PDGFD: variants seen among roughly 807,000 people sequenced by gnomAD.
PDGFD encodes the protein platelet-derived growth factor D.
PDGFD carries 30 observed loss-of-function variants against 44.7 expected under a neutral mutation model. That is an observed-to-expected ratio of 0.67 (90% CI 0.50 to 0.91). PDGFD has a LOEUF of 0.91. Ranked by LOEUF, PDGFD falls within the 40% of genes least tolerant of loss-of-function variation. The probability of loss-of-function intolerance (pLI) is 0.00; values close to 1 mark genes in which losing one functional copy is unlikely to be tolerated. For synonymous variants in PDGFD, 173 were observed against 168.4 expected (o/e 1.03, Z -0.21); for missense variants, 445 against 457.8 (o/e 0.97, Z 0.25).
rs113351014 is a variant in PDGFD, at chr11:104,010,514, C to T, written c.125-10259G>A. 2.8e-3 allele frequency among the ~76,000 whole-genome samples: 420 copies of T among 152,082 alleles called. 3 individuals are homozygous for T. The highest frequency in any genetic ancestry group is 9.7e-3 in the African/African-American group (403 of 41,532). The stretch of plus-strand genomic sequence containing the variant: ...TGTTTTGTTATTGTACATTAGTGAG[C>T]GATCATATTCTTTCCTTCAAAATAG... On this transcript the variant is annotated intron_variant, in intron 1 of 6. Transcript: ENST00000393158.
In PDGFD at chr11:103,947,655, T is replaced by G. The variant is rs371369516; in HGVS notation, c.573+7A>C. On this transcript the variant is annotated splice_region_variant and intron_variant, in intron 4 of 6. Transcript: ENST00000393158. ...TTTTGCTGGCAACAGAGTAATAAATTACTTACTGAAATAGAGCTTGTGACA... is the reference window on the plus strand; with the variant it reads ...TTTTGCTGGCAACAGAGTAATAAATGACTTACTGAAATAGAGCTTGTGACA... 1.2e-6 allele frequency: 2 copies of G among 1,611,018 alleles called. No homozygotes were observed. The highest frequency in any genetic ancestry group is 2.7e-5 in the African/African-American group (2 of 74,832).
intron 1 of PDGFD, among the ~76,000 whole-genome samples, chr11:104,049,497 G>A (rs1860493364): frequency 6.6e-6 from 1 of 151,978 alleles, no homozygotes; most frequent in Non-Finnish European, 1.5e-5. Context: ...TGGCTTTTAG[G>A]GGTTTTTAAG....
intron 1 of PDGFD, among the ~76,000 whole-genome samples, chr11:104,074,654 C>G (rs1217637466): frequency 6.6e-6 from 1 of 152,184 alleles, no homozygotes; most frequent in Non-Finnish European, 1.5e-5. Context: ...AATATGAACA[C>G]ACTGCAACCA....
chr11:104,092,137 T>C (rs777536988), intron 1 of PDGFD, among the ~76,000 whole-genome samples: 2 of 152,148 alleles, frequency 1.3e-5, no homozygotes, highest in Non-Finnish European at 2.9e-5. Flanking sequence ...TAAGATCACA[T>C]AGCTAGTGTA....
At chr11:104,074,350 T>C (rs1239789689) in intron 1 of PDGFD, among the ~76,000 whole-genome samples, 1 of 152,224 alleles carries the variant, frequency 6.6e-6, no homozygotes, top group Non-Finnish European at 1.5e-5. Context: ...TTTGCAGTAG[T>C]ATTGTGGCAA....
At chr11:104,078,448 C>A (rs1380717407) in intron 1 of PDGFD, among the ~76,000 whole-genome samples, 1 of 152,088 alleles carries the variant, frequency 6.6e-6, no homozygotes, top group Non-Finnish European at 1.5e-5. Flanking sequence ...TGACAGTTTC[C>A]CCTACTTCCT....
chr11:104,159,499 A>G (rs944595141), intron 1 of PDGFD, among the ~76,000 whole-genome samples: 1 of 152,220 alleles, frequency 6.6e-6, no homozygotes, highest in African/African-American at 2.4e-5. Context: ...TCCAGAAGGA[A>G]GATAATTTAC....
chr11:104,104,148 A>C (rs1394286366), intron 1 of PDGFD, among the ~76,000 whole-genome samples: 1 of 152,182 alleles, frequency 6.6e-6, no homozygotes, highest in Non-Finnish European at 1.5e-5. Flanking sequence ...GAAATAAAGC[A>C]TATAGAATGC....
intron 1 of PDGFD, among the ~76,000 whole-genome samples, chr11:104,160,038 C>T (rs754986178): frequency 4.6e-5 from 7 of 152,154 alleles, no homozygotes; most frequent in Non-Finnish European, 8.8e-5. Context: ...CTTTCAGACT[C>T]TTTAAAAATA....
intron 3 of PDGFD, among the ~76,000 whole-genome samples, chr11:103,989,312 T>C (rs1859416650): frequency 6.6e-6 from 1 of 152,216 alleles, no homozygotes; most frequent in Non-Finnish European, 1.5e-5. Context: ...ACCCTGCCTA[T>C]AATATCCTGC....
At chr11:104,028,191 GAAAAAA>G (rs36060540) in intron 1 of PDGFD, among the ~76,000 whole-genome samples, 1 of 116,152 alleles carries the variant, frequency 8.6e-6, no homozygotes, top group Non-Finnish European at 1.7e-5. Context: ...CTCCGTCAAA[GAAAAAA>G]AAAAAAAAAA....
chr11:103,957,103 T>G (rs1247944080), intron 3 of PDGFD, among the ~76,000 whole-genome samples: 1 of 152,172 alleles, frequency 6.6e-6, no homozygotes, highest in Non-Finnish European at 1.5e-5. Flanking sequence ...TTGCCATTGC[T>G]TTTGGTGTTT....
At chr11:104,048,471 ATCT>A (rs1014148742) in intron 1 of PDGFD, among the ~76,000 whole-genome samples, 1 of 152,138 alleles carries the variant, frequency 6.6e-6, no homozygotes, top group Admixed American at 6.6e-5. Context: ...AACATTCTGT[ATCT>A]TCTTATTCTC....
At chr11:104,129,975 C>T (rs1861894616) in intron 1 of PDGFD, among the ~76,000 whole-genome samples, 1 of 141,838 alleles carries the variant, frequency 7.1e-6, no homozygotes, top group African/African-American at 2.6e-5. Context: ...CACCAATGCA[C>T]TCCAACCTGG....
intron 3 of PDGFD, among the ~76,000 whole-genome samples, chr11:103,968,115 C>T (rs1859048534): frequency 6.6e-6 from 1 of 152,134 alleles, no homozygotes; most frequent in Non-Finnish European, 1.5e-5. Context: ...ATGCCCCTCT[C>T]CCTTGGCTTC....
At chr11:104,048,734 A>T (rs556669531) in intron 1 of PDGFD, among the ~76,000 whole-genome samples, 2 of 152,304 alleles carry the variant, frequency 1.3e-5, no homozygotes, top group African/African-American at 4.8e-5. Context: ...TCATTTTCTC[A>T]TTCAAAAAAT....
chr11:104,117,382 A>G (rs1179991689), intron 1 of PDGFD, among the ~76,000 whole-genome samples: 1 of 152,020 alleles, frequency 6.6e-6, no homozygotes, highest in Non-Finnish European at 1.5e-5. Flanking sequence ...TCCTAGCCAC[A>G]GCAATCAGAC....
intron 1 of PDGFD, among the ~76,000 whole-genome samples, chr11:104,065,078 A>G (rs1860770118): frequency 6.6e-6 from 1 of 152,172 alleles, no homozygotes; most frequent in Non-Finnish European, 1.5e-5. Context: ...GAGAGAATCA[A>G]CTGGCTTAGC....
chr11:104,118,450 T>C (rs937797151), intron 1 of PDGFD, among the ~76,000 whole-genome samples: 2 of 151,706 alleles, frequency 1.3e-5, no homozygotes, highest in Non-Finnish European at 1.5e-5. Flanking sequence ...TAACTAACTA[T>C]TGTTTAAGTC....
Sources: allele counts gnomAD v4.1 joint callset (sites outside exome capture counted in the v4.1 genomes callset), GRCh38; gene constraint gnomAD v4.1.1; transcripts MANE v1.5; gene names NCBI Gene and HGNC (gene_info 2026-07-23, HGNC 2026-07-21).